Variants in DPY19L3 observed in about 807,000 individuals in gnomAD.
The protein encoded by DPY19L3 is dpy-19 like C-mannosyltransferase 3.
A neutral mutation model predicts 92.3 loss-of-function variants in DPY19L3; 51 were observed. The observed-to-expected ratio is 0.55, with a 90% confidence interval of 0.44 to 0.70. The LOEUF is 0.70. Ranked by LOEUF, DPY19L3 falls within the 30% of genes least tolerant of loss-of-function variation. The pLI is 0.00. For missense variants in DPY19L3, 706 were observed against 855.9 expected, an observed-to-expected ratio of 0.82 and a Z score of 2.18; for synonymous variants, 309 against 315.2, an observed-to-expected ratio of 0.98 and a Z score of 0.21.
chr19:32,464,176 G>A (rs1029854071), intron 14 of DPY19L3, among the ~76,000 whole-genome samples, 196 bp downstream of exon 14: 1 of 151,464 alleles, frequency 6.6e-6, no homozygotes, highest in Admixed American at 6.6e-5. Context: ...TTTTTTCTCA[G>A]ACTATAAGTT....
chr19:32,424,348 A>T (rs1968684980), intron 3 of DPY19L3, among the ~76,000 whole-genome samples: 1 of 151,914 alleles, frequency 6.6e-6, no homozygotes, highest in Non-Finnish European at 1.5e-5. Flanking sequence ...AAATAAAAAA[A>T]AATGGATGGG....
chr19:32,447,816 T>TAGATTAGATAGATAGATAGATAGATAGA (rs1555721982), intron 8 of DPY19L3, among the ~76,000 whole-genome samples: 1 of 89,834 alleles, frequency 1.1e-5, no homozygotes, highest in Non-Finnish European at 2.3e-5. Context: ...GATAGATAGA[T>TAGATTAGATAGATAGATAGATAGATAGA]TAGATAGATA....
chr19:32,458,885 T>C (rs919281656), intron 12 of DPY19L3, among the ~76,000 whole-genome samples: 1 of 152,336 alleles, frequency 6.6e-6, no homozygotes, highest in East Asian at 1.9e-4. Context: ...GTCTGGTGCC[T>C]AGACTTCGGC....
At chr19:32,417,429 C>G (rs577986828) in intron 3 of DPY19L3, among the ~76,000 whole-genome samples, 1 of 152,356 alleles carries the variant, frequency 6.6e-6, no homozygotes, top group East Asian at 1.9e-4. Context: ...AAGCAATTCT[C>G]CTGCCTCAGC....
Position 32,419,352 on chromosome 19 carries a change from G to A in DPY19L3, c.237+7980G>A, listed in dbSNP as rs1031685538. On this transcript the variant is annotated intron_variant, in intron 3 of 18. Transcript: ENST00000392250. ...ATTTTTTGTATTTTTTAGTAGAGAC[G>A]GAGTTTCACAGTGTTAGCCAGGATG... Among the ~76,000 whole-genome samples, 10 of 151,994 alleles carry A rather than the reference G, an allele frequency of 6.6e-5. No homozygotes were observed. The East Asian group carries it at 1.2e-3, about 18-fold the overall frequency.
intron 12 of DPY19L3, among the ~76,000 whole-genome samples, chr19:32,460,858 T>C (rs1394489249): frequency 6.6e-6 from 1 of 151,630 alleles, no homozygotes; most frequent in Non-Finnish European, 1.5e-5. Flanking sequence ...TTTTGTTTTG[T>C]TTTGTTTTGT....
chr19:32,482,057 T>G (rs778717915), intron 18 of DPY19L3, 22 bp from the exon 19 acceptor site: 1 of 1,604,028 alleles, frequency 6.2e-7, no homozygotes, highest in Non-Finnish European at 8.5e-7. Context: ...CCAAATTGTA[T>G]TTGGGTTTGT....
At chr19:32,458,196 T>C in intron 11 of DPY19L3, 23 bp downstream of exon 11, 1 of 1,605,380 alleles carries the variant, frequency 6.2e-7, no homozygotes, top group Non-Finnish European at 8.5e-7. Flanking sequence ...TGAAAGTCTA[T>C]GTTTGCTATT....
intron 16 of DPY19L3, among the ~76,000 whole-genome samples, chr19:32,472,885 T>G (rs76093062): frequency 0.013 from 2,020 of 152,334 alleles, 53 homozygotes; most frequent in African/African-American, 0.046. Context: ...GGACCAACTT[T>G]CTTTCACATT....
rs961270109 is a variant in DPY19L3 at position 32,432,782 on chromosome 19, C to G, written c.304C>G (p.Leu102Val). ...GLYYSYYKQM[L>V]QAPTLVQGFH... ...GTATTACTCCTACTACAAGCAGATG[C>G]TGCAGGCTCCAACCCTCGTGCAAGG... Residue 102 changes from leucine (L) to valine (V), a missense_variant, in exon 4 of 19, where the codon CTG (leucine) becomes GTG (valine). Coordinates refer to ENST00000392250, the MANE Select transcript of DPY19L3 (RefSeq NM_001172774.2). 7 of 1,613,850 alleles carry G rather than the reference C, an allele frequency of 4.3e-6. No individual in the cohort carries two copies. The highest frequency in any genetic ancestry group is 5.9e-6 in the Non-Finnish European group (7 of 1,179,878).
intron 3 of DPY19L3, among the ~76,000 whole-genome samples, chr19:32,426,840 G>A (rs1289765284): frequency 1.3e-5 from 2 of 152,216 alleles, no homozygotes; most frequent in African/African-American, 4.8e-5. Flanking sequence ...TGCAGAAATG[G>A]TGTTGATAGT....
rs1970740276 is a variant in DPY19L3, at chr19:32,484,090, A to C, written c.*1850A>C. ...ACAAGAAACACGTACTTAAATTTTT[A>C]TGCTTATCACCGCAATGATGGCAAA... On this transcript the variant is annotated 3_prime_UTR_variant, in exon 19 of 19. Transcript: ENST00000392250. 1 of 152,496 alleles carries C rather than the reference A, an allele frequency of 6.6e-6. No homozygotes were observed. Among genetic ancestry groups the C allele is most frequent in the Admixed American group, 6.5e-5 (1 of 15,290 alleles). The allele number at this position is 152,496 out of a possible 1,614,324, so 9.4% of individuals were successfully genotyped here.
At chr19:32,433,510 C>T (rs1969037171) in intron 4 of DPY19L3, among the ~76,000 whole-genome samples, 1 of 152,156 alleles carries the variant, frequency 6.6e-6, no homozygotes, top group Admixed American at 6.5e-5. Flanking sequence ...CTCAATCTCC[C>T]AGCCTCAAGC....
rs192144355 is a variant in DPY19L3 at position 32,484,971 on chromosome 19, A to G, written c.*2731A>G. The G allele has an allele frequency of 6.6e-6, 1 of 152,342 alleles. No homozygotes were observed. The highest frequency in any genetic ancestry group is 1.9e-4 in the East Asian group (1 of 5,190). The allele number at this position is 152,342 out of a possible 1,614,324, so 9.4% of individuals were successfully genotyped here. A position where few individuals can be genotyped will look rare whatever the true frequency, so the allele number is the denominator to read the frequency against. ...AATTTCTGAGCTTAGATTGCTTCATAGATTTATTTAAGTACTCATCCCACC... is the reference window on the plus strand; with the variant it reads ...AATTTCTGAGCTTAGATTGCTTCATGGATTTATTTAAGTACTCATCCCACC... On this transcript the variant is annotated 3_prime_UTR_variant, in exon 19 of 19. Coordinates refer to ENST00000392250, the MANE Select transcript of DPY19L3 (RefSeq NM_001172774.2).
chr19:32,422,444 G>A (rs1048166727), intron 3 of DPY19L3, among the ~76,000 whole-genome samples: 2 of 152,162 alleles, frequency 1.3e-5, no homozygotes, highest in Non-Finnish European at 2.9e-5. Flanking sequence ...CAACATACAG[G>A]AGACTGGAAT....
In DPY19L3 at chr19:32,411,239, G is replaced by A. The variant is rs1458210574; in HGVS notation, c.104G>A (p.Gly35Asp). ...TTTATCTGTTCCATTTTTCCAAAAG[G>A]TTGTACCAGTAGAAGATTATGGAAG... ...NVKLENKLPSGCTSRRLWKIL... is the reference protein window; with the variant it reads ...NVKLENKLPSDCTSRRLWKIL... The change falls in exon 3 of 19, where the codon GGT becomes GAT. Residue 35 changes from glycine (G) to aspartate (D), a missense_variant and splice_region_variant. Physicochemically the swap from Gly to Asp is moderately conservative, Grantham distance 94. Coordinates refer to ENST00000392250, the MANE Select transcript of DPY19L3 (RefSeq NM_001172774.2). 1 of 1,607,718 alleles carries A rather than the reference G, an allele frequency of 6.2e-7. No individual in the cohort carries two copies. Among genetic ancestry groups the A allele is most frequent in the Admixed American group, 1.7e-5 (1 of 58,666 alleles).
chr19:32,474,747 C>T (rs141478721), intron 16 of DPY19L3, among the ~76,000 whole-genome samples: 4,573 of 152,144 alleles, frequency 0.03, 232 homozygotes, highest in African/African-American at 0.1. Flanking sequence ...CCCACCACCA[C>T]GCCTGGCTAA....
intron 6 of DPY19L3, chr19:32,438,847 T>G: frequency 3.2e-6 from 1 of 317,386 alleles, no homozygotes; most frequent in Non-Finnish European, 5.8e-6. Flanking sequence ...TTTGTGAGTT[T>G]AGGAGTAAGG....
At chr19:32,478,822 T>C (rs1474873103) in intron 17 of DPY19L3, among the ~76,000 whole-genome samples, 1 of 152,244 alleles carries the variant, frequency 6.6e-6, no homozygotes, top group African/African-American at 2.4e-5. Flanking sequence ...TTTGTGATTA[T>C]ATGAACAATG....
Sources: gnomAD v4.1 joint callset for allele counts (sites outside exome capture counted in the v4.1 genomes callset) on GRCh38, gnomAD v4.1.1 for gene constraint, MANE v1.5 for transcripts, NCBI Gene and HGNC (gene_info 2026-07-23, HGNC 2026-07-21) for gene names.